C12orf57: variants seen among roughly 807,000 people sequenced by gnomAD.
C12orf57 encodes the protein protein C10.
Under a neutral mutation model 11.3 loss-of-function variants are expected in C12orf57, and 14 were observed. The observed-to-expected ratio is 1.24, with a 90% CI of 0.82 to 1.94. The LOEUF (loss-of-function observed/expected upper bound fraction) is 1.94, where lower values mean the gene tolerates loss of function less well. Ranked by LOEUF, C12orf57 falls within the 30% of genes most tolerant of loss-of-function variation. The pLI, the probability that C12orf57 is intolerant of heterozygous loss-of-function variation, is 0.00. For missense variants in C12orf57, 229 were observed against 172.4 expected (o/e 1.33, Z -1.84); for synonymous variants, 100 against 74.6 (o/e 1.34, Z -1.76).
rs369326178 is a variant in C12orf57, at chr12:6,944,463, T to C, written c.53-13T>C. ...TACCCGGGACGCCTCCCTGGGATGC[T>C]TCTGGCGCGCAGTGGTCCTCGCGGA... On this transcript the variant is annotated splice_polypyrimidine_tract_variant and intron_variant, in intron 1 of 2. Coordinates refer to ENST00000229281, the MANE Select transcript of C12orf57 (RefSeq NM_138425.4). 1.9e-6 allele frequency: 3 copies of C among 1,610,092 alleles called. No individual in the cohort carries two copies. The highest frequency in any genetic ancestry group is 1.3e-5 in the African/African-American group (1 of 74,834).
chr12:6,943,723 C>G, upstream of C12orf57: 1 of 1,261,612 alleles, frequency 7.9e-7, no homozygotes, highest in African/African-American at 1.5e-5. Context: ...GTTGTTTATA[C>G]AGTAATAGGA....
rs782694267 is a variant in C12orf57, at chr12:6,945,904, C to T, written c.363C>T (p.Gly121=). The change falls in exon 3 of 3, where the codon GGC becomes GGT. Residue 121 remains glycine, a synonymous_variant. Transcript: ENST00000229281. ...TLPPHGPAAG[G]SVAAS is the part of the protein sequence containing the mutation. ...CACCCCATGGGCCTGCTGCTGGTGG[C>T]AGCGTGGCCGCCTCCTGAGAGTTGG... 15 of 1,612,306 alleles carry T rather than the reference C, an allele frequency of 9.3e-6. No homozygotes were observed. The Admixed American group carries it at 2.3e-4, about 25-fold the overall frequency.
chr12:6,944,689 A>G (rs1555146100), intron 2 of C12orf57, 37 bp downstream of exon 2: 5 of 1,601,900 alleles, frequency 3.1e-6, no homozygotes, highest in Non-Finnish European at 3.4e-6. Flanking sequence ...AGACGCGGGA[A>G]GGCGGGAGTT....
chr12:6,943,962 G>C (rs935253765), upstream of C12orf57: 28 of 1,539,772 alleles, frequency 1.8e-5, no homozygotes, highest in Middle Eastern at 2.0e-4. Context: ...GCAGTTGTAA[G>C]CTTGGGGTAT....
rs1114167293 is a variant in C12orf57, at chr12:6,944,474, A to G, written c.53-2A>G. The G allele has an allele frequency of 6.2e-7, 1 of 1,611,580 alleles. No homozygotes were observed. ...CCTCCCTGGGATGCTTCTGGCGCGC[A>G]GTGGTCCTCGCGGAGGTGATCCAGG... is the stretch of plus-strand genomic sequence containing the variant. On this transcript the variant is annotated splice_acceptor_variant, in intron 1 of 2. Transcript: ENST00000229281. LOFTEE classifies it high-confidence loss of function.
upstream of C12orf57, chr12:6,943,885 A>G (rs183990197): frequency 4.0e-4 from 415 of 1,027,546 alleles, no homozygotes; most frequent in Middle Eastern, 6.3e-4. Context: ...CCCTCTTATG[A>G]TGTTTGTTGC....
rs781935609 is a variant in C12orf57, at chr12:6,944,499, G to C, written c.76G>C (p.Ala26Pro). 1 of 1,612,922 alleles carries C rather than the reference G, an allele frequency of 6.2e-7. No individual in the cohort carries two copies. The highest frequency in any genetic ancestry group is 8.5e-7 in the Non-Finnish European group (1 of 1,179,954). The change falls in exon 2 of 3, where the codon GCG becomes CCG. Residue 26 changes from alanine (A) to proline (P), a missense_variant. Ala to Pro is a conservative substitution (Grantham distance 27). Coordinates refer to ENST00000229281, the MANE Select transcript of C12orf57 (RefSeq NM_138425.4). ...AGTGGTCCTCGCGGAGGTGATCCAG[G>C]CGTTCTCCGCCCCGGAGAATGCAGT... ...AKVVLAEVIQAFSAPENAVRM... is the reference protein window; with the variant it reads ...AKVVLAEVIQPFSAPENAVRM...
chr12:6,944,765 G>GA, intron 2 of C12orf57, 113 bp downstream of exon 2: 1 of 1,552,680 alleles, frequency 6.4e-7, no homozygotes, highest in Non-Finnish European at 8.7e-7. Context: ...CCACACGGCG[G>GA]CAGCCACAAT....
upstream of C12orf57, chr12:6,943,814 A>C (rs782566792): frequency 8.7e-5 from 75 of 860,714 alleles, no homozygotes; most frequent in South Asian, 3.9e-4. Context: ...ACACATACGC[A>C]GCAGTGTTAC....
chr12:6,944,224 G>C (rs782039670), intron 1 of C12orf57, 51 bp downstream of exon 1: 1 of 1,613,674 alleles, frequency 6.2e-7, no homozygotes, highest in Non-Finnish European at 8.5e-7. Context: ...GGTAGTCAAG[G>C]CATGGGCTGC....
At chr12:6,943,715 T>G (rs775691840), upstream of C12orf57, 362 of 1,275,930 alleles carry the variant, frequency 2.8e-4, no homozygotes, top group Non-Finnish European at 3.5e-4. Flanking sequence ...CATGCGTCGT[T>G]GTTTATACAG....
At chr12:6,943,877 C>T (rs148496170), upstream of C12orf57, 2,423 of 995,006 alleles carry the variant, frequency 2.4e-3, 8 homozygotes, top group Non-Finnish European at 2.9e-3. Flanking sequence ...CGGAAAGCCC[C>T]TCTTATGATG....
In C12orf57 at chr12:6,944,494, T is replaced by C. The variant is rs2138235808; in HGVS notation, c.71T>C (p.Ile24Thr). 1.9e-6 allele frequency: 3 copies of C among 1,612,716 alleles called. No homozygotes were observed. The highest frequency in any genetic ancestry group is 2.5e-6 in the Non-Finnish European group (3 of 1,179,918). ...CGCGCAGTGGTCCTCGCGGAGGTGA[T>C]CCAGGCGTTCTCCGCCCCGGAGAAT... Reference protein sequence around the residue: ...EQAKVVLAEVIQAFSAPENAV... With the variant: ...EQAKVVLAEVTQAFSAPENAV... The change falls in exon 2 of 3, where the codon ATC (isoleucine) becomes ACC (threonine). Residue 24 changes from isoleucine to threonine, a missense_variant. By Grantham distance (89) the Ile-to-Thr change is moderately conservative (BLOSUM62 -1). Transcript: ENST00000229281.
chr12:6,944,272 C>CT, intron 1 of C12orf57, 99 bp downstream of exon 1: 1 of 1,605,084 alleles, frequency 6.2e-7, no homozygotes, highest in South Asian at 1.1e-5. Context: ...TGTGGGGCGA[C>CT]AAACCTGGCT....
intron 2 of C12orf57, 159 bp downstream of exon 2, chr12:6,944,811 T>C: frequency 1.4e-6 from 2 of 1,465,436 alleles, no homozygotes; most frequent in Middle Eastern, 1.8e-4. Flanking sequence ...GCCCAGGGTC[T>C]ACCCTGAGCT....
chr12:6,944,218 G>A (rs781926782), intron 1 of C12orf57, 45 bp downstream of exon 1: 7 of 1,613,852 alleles, frequency 4.3e-6, no homozygotes, highest in East Asian at 4.5e-5. Context: ...GCCTGGGGTA[G>A]TCAAGGCATG....
upstream of C12orf57, chr12:6,943,606 A>C: frequency 7.8e-7 from 1 of 1,289,760 alleles, no homozygotes; most frequent in South Asian, 1.2e-5. Context: ...TCAGCACCGA[A>C]CTCATTTGCA....
upstream of C12orf57, chr12:6,943,705 C>T (rs1591671052): frequency 7.8e-6 from 10 of 1,279,474 alleles, no homozygotes; most frequent in South Asian, 2.6e-5. Flanking sequence ...AAAGTTACCA[C>T]ATGCGTCGTT....
At chr12:6,945,025 A>G (rs1185065192) in intron 2 of C12orf57, 5 of 461,696 alleles carry the variant, frequency 1.1e-5, no homozygotes, top group African/African-American at 8.0e-5. Context: ...GGGTAATTTT[A>G]TATAATAGTC....
Sources: gnomAD v4.1 joint callset for allele counts on GRCh38, gnomAD v4.1.1 for gene constraint, MANE v1.5 for transcripts, NCBI Gene and HGNC (gene_info 2026-07-23, HGNC 2026-07-21) for gene names.